The following NAV3 variants were observed in gnomAD, a reference collection of about 807,000 sequenced individuals.
The protein encoded by NAV3 is pore membrane and/or filament interacting like protein 1.
A neutral mutation model predicts 244.7 loss-of-function variants in NAV3; 87 were observed. That is an observed-to-expected ratio of 0.36 (90% CI 0.30 to 0.42). The LOEUF is 0.42. Ranked by LOEUF, NAV3 falls within the 20% of genes least tolerant of loss-of-function variation. The pLI is 1.00. For synonymous variants in NAV3, 1,126 were observed against 1,042.2 expected, an observed-to-expected ratio of 1.08 and a Z score of -1.55; for missense variants, 2,663 against 2,893.3, an observed-to-expected ratio of 0.92 and a Z score of 1.83.
At chr12:77,928,326 C>T (rs2137274348) in intron 1 of NAV3, among the ~76,000 whole-genome samples, 1 of 151,464 alleles carries the variant, frequency 6.6e-6, no homozygotes, top group East Asian at 2.0e-4. Context: ...GAGAACAACA[C>T]ATATGGCTTT....
At chr12:77,906,244 A>C (rs947656371) in intron 1 of NAV3, among the ~76,000 whole-genome samples, 3 of 152,120 alleles carry the variant, frequency 2.0e-5, no homozygotes, top group African/African-American at 7.2e-5. Flanking sequence ...ACACATCCAC[A>C]CACAGAAAGG....
At chr12:78,023,578 T>A (rs536532769) in intron 9 of NAV3, among the ~76,000 whole-genome samples, 1 of 152,198 alleles carries the variant, frequency 6.6e-6, no homozygotes, top group Admixed American at 6.5e-5. Flanking sequence ...TCTAATTATG[T>A]CAATCTCACT....
intron 1 of NAV3, among the ~76,000 whole-genome samples, chr12:77,922,267 G>C (rs893356141): frequency 6.6e-6 from 1 of 151,864 alleles, no homozygotes; most frequent in Non-Finnish European, 1.5e-5. Flanking sequence ...GGTTTTTTTG[G>C]GTTTTGTTTT....
At chr12:77,596,692 A>G (rs1197907408) in intron 2 of NAV3, among the ~76,000 whole-genome samples, 3 of 152,214 alleles carry the variant, frequency 2.0e-5, no homozygotes, top group Non-Finnish European at 4.4e-5. Flanking sequence ...GTTTTAATAC[A>G]GAGTAATCAA....
intron 2 of NAV3, among the ~76,000 whole-genome samples, chr12:77,696,658 A>G (rs979626559): frequency 6.6e-6 from 1 of 152,188 alleles, no homozygotes; most frequent in Non-Finnish European, 1.5e-5. Context: ...TGCCACATAT[A>G]ACTAATATAC....
chr12:78,018,812 C>T (rs1343571674), intron 8 of NAV3, among the ~76,000 whole-genome samples: 2 of 152,074 alleles, frequency 1.3e-5, no homozygotes, highest in Non-Finnish European at 2.9e-5. Context: ...AATAAAAATC[C>T]TTAGAACACT....
At chr12:77,679,780 G>A (rs1386122395) in intron 2 of NAV3, among the ~76,000 whole-genome samples, 2 of 152,170 alleles carry the variant, frequency 1.3e-5, no homozygotes, top group Non-Finnish European at 2.9e-5. Context: ...TGAGAAGCAA[G>A]AGCGATCAAC....
At chr12:78,178,626 T>C (rs1038380060) in intron 28 of NAV3, among the ~76,000 whole-genome samples, 1 of 152,138 alleles carries the variant, frequency 6.6e-6, no homozygotes, top group Admixed American at 6.6e-5. Context: ...TTATTTACTA[T>C]TTAAATCTAA....
At chr12:77,769,725 T>C (rs914112229) in intron 2 of NAV3, among the ~76,000 whole-genome samples, 1 of 152,230 alleles carries the variant, frequency 6.6e-6, no homozygotes, top group African/African-American at 2.4e-5. Context: ...ACTGCCATTA[T>C]GGAAAGTCGG....
At chr12:77,743,327 C>A (rs1868377057) in intron 2 of NAV3, among the ~76,000 whole-genome samples, 1 of 151,790 alleles carries the variant, frequency 6.6e-6, no homozygotes, top group Non-Finnish European at 1.5e-5. Flanking sequence ...TCTGAGAAGT[C>A]AAAAGTTATA....
At chr12:78,043,621 A>G (rs545033592) in intron 9 of NAV3, among the ~76,000 whole-genome samples, 2 of 152,224 alleles carry the variant, frequency 1.3e-5, no homozygotes, top group Non-Finnish European at 2.9e-5. Context: ...AATGATCGCC[A>G]TTCTAACCGG....
At chr12:77,888,027 T>TTTTG (rs1565891582) in intron 1 of NAV3, among the ~76,000 whole-genome samples, 1 of 151,666 alleles carries the variant, frequency 6.6e-6, no homozygotes, top group African/African-American at 2.4e-5. Flanking sequence ...TTGTTGAGTT[T>TTTTG]TTTTTTTCTG....
intron 2 of NAV3, among the ~76,000 whole-genome samples, chr12:77,611,905 A>G (rs1287373179): frequency 6.6e-6 from 1 of 152,040 alleles, no homozygotes; most frequent in African/African-American, 2.4e-5. Flanking sequence ...CATTTATTCA[A>G]AGATGTTTGC....
intron 2 of NAV3, among the ~76,000 whole-genome samples, chr12:77,710,581 T>TA (rs1449253143): frequency 6.6e-6 from 1 of 152,186 alleles, no homozygotes; most frequent in African/African-American, 2.4e-5. Flanking sequence ...AGAAATTACT[T>TA]AAAAGTGCTT....
intron 2 of NAV3, among the ~76,000 whole-genome samples, chr12:77,809,969 T>C (rs1447855838): frequency 6.6e-6 from 1 of 152,218 alleles, no homozygotes; most frequent in East Asian, 1.9e-4. Flanking sequence ...TTTTTATTGG[T>C]TTGTCACCTT....
At chr12:77,655,572 C>G (rs957897810) in intron 2 of NAV3, among the ~76,000 whole-genome samples, 18 of 152,118 alleles carry the variant, frequency 1.2e-4, no homozygotes, top group African/African-American at 4.3e-4. Flanking sequence ...TCTAGCAAGG[C>G]AGGCCAACAT....
intron 2 of NAV3, among the ~76,000 whole-genome samples, chr12:77,746,639 A>G (rs560995657): frequency 1.4e-4 from 21 of 152,260 alleles, no homozygotes; most frequent in South Asian, 2.1e-4. Context: ...GAGGGAATGG[A>G]AGTAATTATA....
At chr12:78,081,673 C>T (rs547029880) in intron 12 of NAV3, among the ~76,000 whole-genome samples, 6 of 152,198 alleles carry the variant, frequency 3.9e-5, no homozygotes, top group African/African-American at 1.2e-4. Context: ...AGGTGTTATG[C>T]TGTTCTTTCT....
chr12:77,735,644 T>G (rs1176827146), intron 2 of NAV3, among the ~76,000 whole-genome samples: 1 of 152,176 alleles, frequency 6.6e-6, no homozygotes, highest in African/African-American at 2.4e-5. Context: ...TTTATCACTA[T>G]GATCATAAAA....
Sources: allele counts gnomAD v4.1 joint callset (sites outside exome capture counted in the v4.1 genomes callset), GRCh38; gene constraint gnomAD v4.1.1; transcripts MANE v1.5; gene names NCBI Gene and HGNC (gene_info 2026-07-23, HGNC 2026-07-21).